Variants in SEC23A observed in about 807,000 individuals in gnomAD.
The protein encoded by SEC23A is SEC23 homolog A, COPII component.
Under a neutral mutation model 103.7 loss-of-function variants are expected in SEC23A, and 56 were observed. The ratio of observed to expected loss-of-function variants is 0.54; its 90% CI spans 0.44 to 0.67. The LOEUF is 0.67. Among genes scored for constraint, SEC23A ranks in the 30% least tolerant of loss-of-function variants. SEC23A has a pLI of 0.00. For synonymous variants in SEC23A, 281 were observed against 293.0 expected (o/e 0.96, Z 0.42); for missense variants, 784 against 936.4 (o/e 0.84, Z 2.12).
chr14:39,084,756 G>A (rs770503217), intron 7 of SEC23A, among the ~76,000 whole-genome samples: 2 of 152,098 alleles, frequency 1.3e-5, no homozygotes, highest in Non-Finnish European at 2.9e-5. Flanking sequence ...TGCAACCTCC[G>A]CCTCTTGGGT....
At chr14:39,065,658 T>G (rs1419707615) in intron 10 of SEC23A, among the ~76,000 whole-genome samples, 2 of 152,096 alleles carry the variant, frequency 1.3e-5, no homozygotes, top group South Asian at 4.2e-4. Context: ...ATGCCTCTCC[T>G]CACACTGGGT....
intron 7 of SEC23A, among the ~76,000 whole-genome samples, chr14:39,080,703 G>A (rs576030078): frequency 6.6e-6 from 1 of 152,172 alleles, no homozygotes; most frequent in Non-Finnish European, 1.5e-5. Flanking sequence ...ACTGCGCCTG[G>A]CCGGGAGTTC....
intron 14 of SEC23A, among the ~76,000 whole-genome samples, chr14:39,053,480 C>T (rs1886137889): frequency 6.7e-6 from 1 of 149,948 alleles, no homozygotes. Context: ...AGTGTCCCAT[C>T]AATAGTGGAC....
At position 39,042,987 on chromosome 14, in the gene SEC23A, A is replaced by T. The variant is rs570887946; in HGVS notation, c.1900-115T>A. The T allele has an allele frequency of 3.2e-4, 225 of 707,590 alleles. 1 individual carries two copies. Among genetic ancestry groups the T allele is most frequent in the African/African-American group, 1.6e-3 (87 of 54,770 alleles). 43.8% of individuals were successfully genotyped at this position (707,590 alleles called of 1,614,324 possible). The stretch of plus-strand genomic sequence containing the variant: ...GTTTCTTTTATTTATTTATTTATTT[A>T]TTTTTTTGGAGAAGGGTCTTGCTCT... On this transcript the variant is annotated intron_variant, in intron 16 of 19. Coordinates refer to ENST00000307712, the MANE Select transcript of SEC23A (RefSeq NM_006364.4).
intron 4 of SEC23A, among the ~76,000 whole-genome samples, 164 bp from the exon 5 acceptor site, chr14:39,091,877 T>C (rs1887675255): frequency 1.3e-5 from 2 of 152,220 alleles, no homozygotes. Flanking sequence ...ATCTAAGACA[T>C]ATCATCAGGT....
rs1285923949 is a variant in SEC23A at position 39,094,925 on chromosome 14, T to G, written c.221+973A>C. ...ATAGATCTTGATAAGGAGTTTGTATTTCTCATTCCAAGAATAAGAAGCTAC... is the reference window on the plus strand; with the variant it reads ...ATAGATCTTGATAAGGAGTTTGTATGTCTCATTCCAAGAATAAGAAGCTAC... On this transcript the variant is annotated intron_variant, in intron 2 of 19. Coordinates refer to ENST00000307712, the MANE Select transcript of SEC23A (RefSeq NM_006364.4). 8.8e-6 allele frequency: 6 copies of G among 679,906 alleles called. No homozygotes were observed. In the Admixed American group the frequency reaches 1.4e-4, roughly 15 times the overall value. 42.1% of individuals were successfully genotyped at this position (679,906 alleles called of 1,614,324 possible).
intron 19 of SEC23A, among the ~76,000 whole-genome samples, chr14:39,037,871 A>G (rs1260943092): frequency 4.6e-5 from 7 of 152,092 alleles, no homozygotes; most frequent in African/African-American, 1.7e-4. Context: ...ATATCTCCCA[A>G]ATCTATTCCT....
intron 1 of SEC23A, among the ~76,000 whole-genome samples, chr14:39,098,513 C>A (rs953226474): frequency 6.6e-6 from 1 of 152,058 alleles, no homozygotes; most frequent in Admixed American, 6.6e-5. Flanking sequence ...CAGTGGCTCA[C>A]GCCTGTAATC....
chr14:39,102,211 G>T (rs530441557), intron 1 of SEC23A, among the ~76,000 whole-genome samples: 1 of 151,538 alleles, frequency 6.6e-6, no homozygotes, highest in African/African-American at 2.4e-5. Context: ...CAGCCTGGGC[G>T]ACAAAGCAAG....
chr14:39,046,527 C>T (rs1471003305), intron 15 of SEC23A, among the ~76,000 whole-genome samples: 3 of 151,742 alleles, frequency 2.0e-5, no homozygotes, highest in Non-Finnish European at 1.5e-5. Context: ...TACCCAGTCC[C>T]GGGTATGTCT....
In SEC23A at chr14:39,045,230, T is replaced by A; in HGVS notation, c.1832A>T (p.Asp611Val). ...AATCATAATTAGAGACTGGGTCAGATCTTGACGCATAAAATGGTGACGATA... is the reference window on the plus strand; with the variant it reads ...AATCATAATTAGAGACTGGGTCAGAACTTGACGCATAAAATGGTGACGATA... ...SYYRHHFMRQ[D>V]LTQSLIMIQP... is the part of the protein sequence containing the mutation. The change falls in exon 16 of 20, where the codon GAT (aspartate) becomes GTT (valine). Residue 611 changes from aspartate to valine, a missense_variant. Physicochemically the swap from Asp to Val is radical, Grantham distance 152. Around this residue, in one of 2 missense-constraint regions of SEC23A, gnomAD observed 683 missense variants for 774.2 expected, o/e 0.88. Coordinates refer to ENST00000307712, the MANE Select transcript of SEC23A (RefSeq NM_006364.4). The A allele has an allele frequency of 1.9e-6, 3 of 1,613,570 alleles. No homozygotes were observed. The highest frequency in any genetic ancestry group is 2.5e-6 in the Non-Finnish European group (3 of 1,179,670).
At chr14:39,094,941 A>T in intron 2 of SEC23A, 1 of 690,704 alleles carries the variant, frequency 1.4e-6, no homozygotes, top group Non-Finnish European at 2.6e-6. Context: ...TTCCAAGAAT[A>T]AGAAGCTACT....
chr14:39,089,075 G>A (rs1393682726), intron 5 of SEC23A, among the ~76,000 whole-genome samples: 1 of 150,526 alleles, frequency 6.6e-6, no homozygotes, highest in Non-Finnish European at 1.5e-5. Context: ...TCGGGAGGCT[G>A]AGGCAGGAGA....
intron 1 of SEC23A, among the ~76,000 whole-genome samples, chr14:39,101,514 C>T (rs999733403): frequency 2.0e-5 from 3 of 151,232 alleles, no homozygotes; most frequent in Non-Finnish European, 4.4e-5. Context: ...GCTACTCAGG[C>T]GGCTGAGACA....
At chr14:39,053,181 T>TA (rs748327964) in intron 14 of SEC23A, among the ~76,000 whole-genome samples, 9 of 152,152 alleles carry the variant, frequency 5.9e-5, no homozygotes, top group Non-Finnish European at 1.2e-4. Flanking sequence ...AGGTCCCATT[T>TA]AAAAACAGTA....
intron 12 of SEC23A, among the ~76,000 whole-genome samples, chr14:39,062,408 T>G (rs1206788940): frequency 6.6e-6 from 1 of 152,106 alleles, no homozygotes; most frequent in Non-Finnish European, 1.5e-5. Context: ...TTGAAACATT[T>G]CAGATTTCAG....
At chr14:39,035,877 A>G (rs1284106560) in intron 19 of SEC23A, among the ~76,000 whole-genome samples, 1 of 152,188 alleles carries the variant, frequency 6.6e-6, no homozygotes, top group African/African-American at 2.4e-5. Flanking sequence ...ACACAAATTC[A>G]ATCATGCAAT....
chr14:39,086,868 G>T, intron 6 of SEC23A, 61 bp downstream of exon 6: 1 of 947,394 alleles, frequency 1.1e-6, no homozygotes, highest in Non-Finnish European at 1.8e-6. Context: ...CTATGTTCAA[G>T]GGTATGGAAT....
At chr14:39,084,370 T>C (rs1039079166) in intron 7 of SEC23A, among the ~76,000 whole-genome samples, 4 of 152,152 alleles carry the variant, frequency 2.6e-5, no homozygotes, top group African/African-American at 9.7e-5. Context: ...GCATAAAATT[T>C]TCAAATTCTA....
Sources: gnomAD v4.1 joint callset for allele counts (sites outside exome capture counted in the v4.1 genomes callset) on GRCh38, gnomAD v4.1.1 for gene constraint, gnomAD v4.1.1 regional missense constraint, MANE v1.5 for transcripts, NCBI Gene and HGNC (gene_info 2026-07-23, HGNC 2026-07-21) for gene names.